DENND1A: variants seen among roughly 807,000 people sequenced by gnomAD.
DENND1A encodes DENN domain containing 1A, also known as DENN domain-containing protein 1A.
A neutral mutation model predicts 113.7 loss-of-function variants in DENND1A; 51 were observed. The observed-to-expected ratio is 0.45, with a 90% CI of 0.36 to 0.57. The LOEUF (loss-of-function observed/expected upper bound fraction) is 0.57, where lower values mean the gene tolerates loss of function less well. DENND1A is among the 20% of genes least tolerant of loss of function. DENND1A has a pLI of 0.00. For missense variants in DENND1A, 1,258 were observed against 1,395.9 expected (o/e 0.90, Z 1.57); for synonymous variants, 565 against 570.8 (o/e 0.99, Z 0.14).
chr9:123,448,913 G>C (rs1357756831), intron 18 of DENND1A, among the ~76,000 whole-genome samples: 1 of 152,204 alleles, frequency 6.6e-6, no homozygotes, highest in African/African-American at 2.4e-5. Flanking sequence ...AAAAACTGCA[G>C]AGCTAGACAA....
At chr9:123,793,677 A>G (rs932909965) in intron 2 of DENND1A, among the ~76,000 whole-genome samples, 1 of 152,160 alleles carries the variant, frequency 6.6e-6, no homozygotes, top group African/African-American at 2.4e-5. Context: ...TCCACGTAAA[A>G]GTTCACTGCA....
At chr9:123,759,052 C>T (rs1480760084) in intron 4 of DENND1A, among the ~76,000 whole-genome samples, 1 of 152,200 alleles carries the variant, frequency 6.6e-6, no homozygotes, top group Non-Finnish European at 1.5e-5. Flanking sequence ...CCACCTGCCT[C>T]GGCCTCCCAA....
chr9:123,661,345 G>A (rs992169999), intron 8 of DENND1A, among the ~76,000 whole-genome samples: 3 of 152,166 alleles, frequency 2.0e-5, no homozygotes, highest in Non-Finnish European at 4.4e-5. Context: ...AGTTGAGGAC[G>A]GGCAATAAAG....
intron 2 of DENND1A, among the ~76,000 whole-genome samples, chr9:123,835,388 A>C (rs1328761511): frequency 6.6e-6 from 1 of 152,204 alleles, no homozygotes; most frequent in Non-Finnish European, 1.5e-5. Context: ...ATATGGCAGC[A>C]AAATGATAAA....
At chr9:123,790,247 A>G (rs143628002) in intron 3 of DENND1A, among the ~76,000 whole-genome samples, 1 of 152,272 alleles carries the variant, frequency 6.6e-6, no homozygotes, top group African/African-American at 2.4e-5. Context: ...CTAAATGATA[A>G]AAAGATAAAT....
intron 13 of DENND1A, among the ~76,000 whole-genome samples, chr9:123,554,249 G>T (rs1030310100): frequency 6.6e-6 from 1 of 151,920 alleles, no homozygotes; most frequent in Non-Finnish European, 1.5e-5. Flanking sequence ...AAAAGACAGG[G>T]TCTCACCCTG....
chr9:123,653,618 G>C (rs1045225557), intron 8 of DENND1A, among the ~76,000 whole-genome samples: 1 of 152,182 alleles, frequency 6.6e-6, no homozygotes, highest in Non-Finnish European at 1.5e-5. Flanking sequence ...AGGTCACGCA[G>C]TAAGTGGATG....
At chr9:123,704,451 T>C (rs1246095326) in intron 5 of DENND1A, among the ~76,000 whole-genome samples, 1 of 152,198 alleles carries the variant, frequency 6.6e-6, no homozygotes, top group Non-Finnish European at 1.5e-5. Context: ...CACGTCTAAC[T>C]AAAAGTATGC....
chr9:123,567,399 T>G (rs550941241), intron 12 of DENND1A, among the ~76,000 whole-genome samples: 1 of 152,300 alleles, frequency 6.6e-6, no homozygotes, highest in South Asian at 2.1e-4. Context: ...AAAAGGAAAC[T>G]TATATGTTTT....
chr9:123,515,263 A>G (rs768103814), intron 13 of DENND1A, among the ~76,000 whole-genome samples: 31 of 152,220 alleles, frequency 2.0e-4, no homozygotes, highest in East Asian at 3.8e-4. Context: ...GTTGGTGCAA[A>G]AGTAACTGCG....
At chr9:123,841,382 G>C (rs942522617) in intron 2 of DENND1A, among the ~76,000 whole-genome samples, 3 of 152,110 alleles carry the variant, frequency 2.0e-5, no homozygotes, top group Non-Finnish European at 4.4e-5. Context: ...TGTTTCTCCA[G>C]TAATTTTCAT....
chr9:123,930,016 C>T lies in DENND1A; in HGVS notation c.-111G>A. 1 of 238,158 alleles carries T rather than the reference C, an allele frequency of 4.2e-6. No homozygotes were observed. The highest frequency in any genetic ancestry group is 8.0e-6 in the Non-Finnish European group (1 of 125,428). 14.8% of individuals were successfully genotyped at this position (238,158 alleles called of 1,614,324 possible). A position where few individuals can be genotyped will look rare whatever the true frequency, so the allele number is the denominator to read the frequency against. On this transcript the variant is annotated 5_prime_UTR_variant, in exon 1 of 24. Coordinates refer to ENST00000394215, the MANE Select transcript of DENND1A (RefSeq NM_001352964.2). Reference sequence around the variant, plus strand: ...GCTCTCCCCGCCCCTTCCTCCCTTCCCTCAGGCTGGGGCCCGCCCGCTCGA... The same window carrying T: ...GCTCTCCCCGCCCCTTCCTCCCTTCTCTCAGGCTGGGGCCCGCCCGCTCGA...
intron 12 of DENND1A, among the ~76,000 whole-genome samples, chr9:123,568,468 A>G (rs1589167606): frequency 6.6e-6 from 1 of 152,180 alleles, no homozygotes; most frequent in South Asian, 2.1e-4. Flanking sequence ...AGCCAAAACT[A>G]CCCAAGCCTT....
At chr9:123,589,533 C>T (rs888956404) in intron 11 of DENND1A, among the ~76,000 whole-genome samples, 4 of 150,770 alleles carry the variant, frequency 2.7e-5, no homozygotes, top group African/African-American at 4.9e-5. Context: ...GACAGCTCTC[C>T]GGTAGCTTGT....
intron 10 of DENND1A, among the ~76,000 whole-genome samples, chr9:123,617,647 C>T (rs1309362703): frequency 1.3e-5 from 2 of 152,156 alleles, no homozygotes; most frequent in East Asian, 1.9e-4. Flanking sequence ...TACCGGAAGG[C>T]GACAGACTCG....
intron 10 of DENND1A, among the ~76,000 whole-genome samples, chr9:123,622,905 A>C (rs1290405218): frequency 1.3e-5 from 2 of 152,250 alleles, no homozygotes; most frequent in African/African-American, 4.8e-5. Context: ...ACACTGGCCA[A>C]GGTCAAGGCC....
chr9:123,868,806 T>G (rs1031578487), intron 2 of DENND1A, among the ~76,000 whole-genome samples: 1 of 152,188 alleles, frequency 6.6e-6, no homozygotes, highest in Non-Finnish European at 1.5e-5. Flanking sequence ...CTGCTTCAAA[T>G]AACTAAGCAT....
intron 12 of DENND1A, 151 bp from the exon 13 acceptor site, chr9:123,557,846 G>T: frequency 1.1e-6 from 1 of 906,376 alleles, no homozygotes; most frequent in East Asian, 2.8e-5. Context: ...ACGTGTTCAG[G>T]CTGGGTGCAG....
At chr9:123,740,852 A>G (rs182579647) in intron 5 of DENND1A, among the ~76,000 whole-genome samples, 2 of 147,266 alleles carry the variant, frequency 1.4e-5, no homozygotes, top group Admixed American at 1.4e-4. Flanking sequence ...CTTTCTGCGG[A>G]AGAAATAAAT....
Sources: gnomAD v4.1 joint callset for allele counts (sites outside exome capture counted in the v4.1 genomes callset) on GRCh38, gnomAD v4.1.1 for gene constraint, MANE v1.5 for transcripts, NCBI Gene and HGNC (gene_info 2026-07-23, HGNC 2026-07-21) for gene names.